PRDM11: variants seen among roughly 807,000 people sequenced by gnomAD.
The protein encoded by PRDM11 is PR/SET domain 11, also known as PR domain-containing protein 11.
PRDM11 carries 20 observed loss-of-function variants against 97.8 expected under a neutral mutation model. That is an observed-to-expected ratio of 0.20 (90% confidence interval 0.14 to 0.30). The LOEUF (loss-of-function observed/expected upper bound fraction) is 0.30, where lower values mean the gene tolerates loss of function less well. Ranked by LOEUF, PRDM11 falls within the 10% of genes least tolerant of loss-of-function variation. PRDM11 has a pLI of 1.00. For missense variants in PRDM11, 1,139 were observed against 1,555.2 expected (o/e 0.73, Z 4.50); for synonymous variants, 599 against 637.7 (o/e 0.94, Z 0.91).
intron 5 of PRDM11, among the ~76,000 whole-genome samples, chr11:45,207,929 T>C (rs1338148866): frequency 1.3e-5 from 2 of 152,128 alleles, no homozygotes; most frequent in African/African-American, 4.8e-5. Context: ...CTCTCTTGGG[T>C]GGATTTTTTC....
intron 1 of PRDM11, among the ~76,000 whole-genome samples, chr11:45,119,844 C>G (rs1462487271): frequency 6.6e-6 from 1 of 151,918 alleles, no homozygotes; most frequent in East Asian, 1.9e-4. Flanking sequence ...CTGGCAGTGA[C>G]AGTGACAGTG....
In PRDM11 at chr11:45,227,564, G is replaced by A. The variant is rs777967698; in HGVS notation, c.2939G>A (p.Arg980Gln). 4.6e-6 allele frequency: 7 copies of A among 1,533,898 alleles called. No individual in the cohort carries two copies. Among genetic ancestry groups the A allele is most frequent in the East Asian group, 2.4e-5 (1 of 40,900 alleles). The change falls in exon 8 of 8, where the codon CGG becomes CAG. Residue 980 changes from arginine (R) to glutamine (Q), a missense_variant. This residue lies in a region of PRDM11 where 710 missense variants were observed against 1,044.9 expected (regional missense o/e 0.68). Coordinates refer to ENST00000683152, the MANE Select transcript of PRDM11 (RefSeq NM_001384648.1). This position sits in a 1 kb window ranked among gnomAD's most constrained non-coding sequence, Gnocchi z 8.0. ...ILAQRFDSRSRIFVKACQVFD... is the reference protein window; with the variant it reads ...ILAQRFDSRSQIFVKACQVFD... Reference sequence around the variant, plus strand: ...GCTCAGAGGTTCGACTCCCGCAGCCGGATCTTTGTGAAGGCCTGCCAGGTG... The same window carrying A: ...GCTCAGAGGTTCGACTCCCGCAGCCAGATCTTTGTGAAGGCCTGCCAGGTG...
Position 45,193,435 on chromosome 11 carries a change from T to C in PRDM11, c.486+10312T>C, listed in dbSNP as rs554884418. ...GTGGCATAGAACAAGGGTCAGCAAG[T>C]GTTCTCTGTAAAGGGCTAGATAGTG... On this transcript the variant is annotated intron_variant, in intron 4 of 7. Coordinates refer to ENST00000683152, the MANE Select transcript of PRDM11 (RefSeq NM_001384648.1). 1.1e-4 allele frequency among the ~76,000 whole-genome samples: 16 copies of C among 152,324 alleles called. No homozygotes were observed. In the East Asian group the frequency reaches 2.7e-3, roughly 26 times the overall value.
At chr11:45,193,578 GAA>G (rs1433837527) in intron 4 of PRDM11, among the ~76,000 whole-genome samples, 1 of 152,154 alleles carries the variant, frequency 6.6e-6, no homozygotes, top group Non-Finnish European at 1.5e-5. Context: ...TATATATAGT[GAA>G]GTTTGAATTC....
At position 45,233,572 on chromosome 11, in the gene PRDM11, A is replaced by T. The variant is rs1467413820; in HGVS notation, c.*5413A>T. Reference sequence around the variant, plus strand: ...TGGCAATAGGAAAGGTCCAAACTGGATCAAGAGCTGGTCCAGGAAAGATAC... The same window carrying T: ...TGGCAATAGGAAAGGTCCAAACTGGTTCAAGAGCTGGTCCAGGAAAGATAC... On this transcript the variant is annotated 3_prime_UTR_variant, in exon 8 of 8. Coordinates refer to ENST00000683152, the MANE Select transcript of PRDM11 (RefSeq NM_001384648.1). 6.6e-6 allele frequency: 1 copy of T among 152,292 alleles called. No individual in the cohort carries two copies. The highest frequency in any genetic ancestry group is 2.4e-5 in the African/African-American group (1 of 41,454). 9.4% of individuals were successfully genotyped at this position (152,292 alleles called of 1,614,324 possible).
At chr11:45,204,625 G>A in intron 4 of PRDM11, 86 bp from the exon 5 acceptor site, 1 of 1,273,742 alleles carries the variant, frequency 7.9e-7, no homozygotes, top group Non-Finnish European at 1.1e-6. Flanking sequence ...GGTGGGACCA[G>A]GCCCTGGGCC....
chr11:45,180,899 C>A (rs12792817), intron 1 of PRDM11, among the ~76,000 whole-genome samples: 2 of 151,740 alleles, frequency 1.3e-5, no homozygotes, highest in Non-Finnish European at 2.9e-5. Context: ...GGGGGCAGGC[C>A]GTCACGTTTC....
chr11:45,209,247 G>A (rs570530787), intron 5 of PRDM11: 6 of 392,004 alleles, frequency 1.5e-5, no homozygotes, highest in East Asian at 7.3e-5. Flanking sequence ...TGCAGGGCGC[G>A]GCTTCCCCAG....
At chr11:45,114,653 G>GA (rs1210739198) in intron 1 of PRDM11, among the ~76,000 whole-genome samples, 2 of 151,928 alleles carry the variant, frequency 1.3e-5, no homozygotes, top group East Asian at 3.9e-4. Flanking sequence ...CAAAGAGAGA[G>GA]AAAATCTTGA....
At chr11:45,128,499 C>T (rs559072864) in intron 1 of PRDM11, among the ~76,000 whole-genome samples, 20 of 151,090 alleles carry the variant, frequency 1.3e-4, no homozygotes, top group South Asian at 1.1e-3. Flanking sequence ...CTACACCCCG[C>T]GCACCCCCCC....
At position 45,161,015 on chromosome 11, in the gene PRDM11, T is replaced by C. The variant is rs541909556; in HGVS notation, c.-7+14138T>C. ...TGGGCAGCTGTTGTAGGAAGTGAGCTCTGGAGTCATAATGCCGCAGTTCAA... is the reference window on the plus strand; with the variant it reads ...TGGGCAGCTGTTGTAGGAAGTGAGCCCTGGAGTCATAATGCCGCAGTTCAA... On this transcript the variant is annotated intron_variant, in intron 1 of 7. Coordinates refer to ENST00000683152, the MANE Select transcript of PRDM11 (RefSeq NM_001384648.1). Among the ~76,000 whole-genome samples the C allele has an allele frequency of 2.0e-5, 3 of 152,264 alleles. No individual in the cohort carries two copies. In the East Asian group the frequency reaches 5.8e-4, roughly 29 times the overall value.
At chr11:45,209,439 A>C in intron 5 of PRDM11, 17 of 277,608 alleles carry the variant, frequency 6.1e-5, no homozygotes, top group East Asian at 3.0e-4. Flanking sequence ...TCCTTCTCCC[A>C]CTCTTCTCCT....
At chr11:45,134,160 C>G (rs1226582941) in intron 1 of PRDM11, among the ~76,000 whole-genome samples, 1 of 141,418 alleles carries the variant, frequency 7.1e-6, no homozygotes, top group African/African-American at 2.6e-5. Flanking sequence ...TGGGAAGAGA[C>G]AGTGAAAATT....
chr11:45,184,313 A>G (rs1852624431), intron 4 of PRDM11, among the ~76,000 whole-genome samples: 1 of 152,180 alleles, frequency 6.6e-6, no homozygotes, highest in Non-Finnish European at 1.5e-5. Context: ...TTAATAATGT[A>G]GGAGTTGGGG....
intron 1 of PRDM11, among the ~76,000 whole-genome samples, chr11:45,106,208 G>A (rs1378367353): frequency 1.3e-5 from 2 of 152,166 alleles, no homozygotes; most frequent in African/African-American, 4.8e-5. Flanking sequence ...CATGTCTGTA[G>A]AGGTAGGAGG....
chr11:45,224,932 C>G, intron 7 of PRDM11, 89 bp downstream of exon 7: 1 of 1,595,534 alleles, frequency 6.3e-7, no homozygotes, highest in South Asian at 1.1e-5. Flanking sequence ...GTGGAAACCA[C>G]CTTCCGGGAG....
chr11:45,226,119 G>C lies in PRDM11; in HGVS notation c.1494G>C (p.Ser498=), dbSNP rs113612878. 352 of 1,533,070 alleles carry C rather than the reference G, an allele frequency of 2.3e-4. No homozygotes were observed. The highest frequency in any genetic ancestry group is 4.6e-4 in the Middle Eastern group (2 of 4,356). The allele number at this position is 1,533,070 out of a possible 1,614,324, so 95.0% of individuals were successfully genotyped here. A position where few individuals can be genotyped will look rare whatever the true frequency, so the allele number is the denominator to read the frequency against. The change falls in exon 8 of 8, where the codon TCG becomes TCC. Residue 498 remains serine (S), a synonymous_variant. Transcript: ENST00000683152. ...CGGATGAGCCCTCCAAGATGTCATCGGCCACCGGGCGCCGAATCCGGCGCT... is the reference window on the plus strand; with the variant it reads ...CGGATGAGCCCTCCAAGATGTCATCCGCCACCGGGCGCCGAATCCGGCGCT... ...TATDEPSKMS[S]ATGRRIRRFK...
intron 1 of PRDM11, among the ~76,000 whole-genome samples, chr11:45,138,959 T>C (rs1183250335): frequency 6.6e-6 from 1 of 152,162 alleles, no homozygotes; most frequent in Non-Finnish European, 1.5e-5. Context: ...ATCCTTAATA[T>C]GTAAACTACA....
At chr11:45,173,745 C>T (rs916205508) in intron 1 of PRDM11, among the ~76,000 whole-genome samples, 10 of 152,152 alleles carry the variant, frequency 6.6e-5, no homozygotes, top group African/African-American at 2.2e-4. Flanking sequence ...AAGCTCAAAA[C>T]CTCATTTTCC....
Sources: gnomAD v4.1 joint callset for allele counts (sites outside exome capture counted in the v4.1 genomes callset) on GRCh38, gnomAD v4.1.1 for gene constraint, gnomAD v4.1.1 regional missense constraint, Gnocchi (gnomAD v3.1) non-coding constraint, MANE v1.5 for transcripts, NCBI Gene and HGNC (gene_info 2026-07-23, HGNC 2026-07-21) for gene names.